MAP3K7: variants seen among roughly 807,000 people sequenced by gnomAD.
MAP3K7 encodes mitogen-activated protein kinase kinase kinase 7.
In MAP3K7, 21 loss-of-function variants were observed where a neutral mutation model predicts 84.8. The ratio of observed to expected loss-of-function variants is 0.25; its 90% CI spans 0.18 to 0.36. The LOEUF (loss-of-function observed/expected upper bound fraction) is 0.36. Among genes scored for constraint, MAP3K7 ranks in the 10% least tolerant of loss-of-function variants. MAP3K7 has a pLI of 1.00. For missense variants in MAP3K7, 503 were observed against 747.7 expected (o/e 0.67, Z 3.82); for synonymous variants, 241 against 247.7 (o/e 0.97, Z 0.25).
At chr6:90,566,945 A>C (rs1018547020) in intron 3 of MAP3K7, among the ~76,000 whole-genome samples, 1 of 152,218 alleles carries the variant, frequency 6.6e-6, no homozygotes, top group African/African-American at 2.4e-5. Flanking sequence ...CAAACCTGAC[A>C]AAAACAAGAA....
At chr6:90,543,089 CG>C (rs1775901918) in intron 12 of MAP3K7, among the ~76,000 whole-genome samples, 1 of 83,886 alleles carries the variant, frequency 1.2e-5, no homozygotes, top group Non-Finnish European at 2.7e-5. Context: ...CACAGTTCAG[CG>C]GTATGTAAGT....
intron 13 of MAP3K7, among the ~76,000 whole-genome samples, chr6:90,531,751 G>A (rs983476362): frequency 6.6e-6 from 1 of 152,014 alleles, no homozygotes; most frequent in Non-Finnish European, 1.5e-5. Context: ...CCAGAAGTTC[G>A]AGACCAGCCT....
intron 1 of MAP3K7, among the ~76,000 whole-genome samples, chr6:90,575,176 AG>A (rs1437053675): frequency 6.6e-6 from 1 of 152,240 alleles, no homozygotes; most frequent in East Asian, 1.9e-4. Context: ...GGGGATGAGA[AG>A]AAAAAATATA....
At chr6:90,576,146 C>T (rs1203631870) in intron 1 of MAP3K7, among the ~76,000 whole-genome samples, 1 of 152,088 alleles carries the variant, frequency 6.6e-6, no homozygotes, top group African/African-American at 2.4e-5. Flanking sequence ...ACGAATCTGA[C>T]ATTTGGATGA....
At chr6:90,532,779 G>C (rs529017677) in intron 13 of MAP3K7, among the ~76,000 whole-genome samples, 1 of 152,130 alleles carries the variant, frequency 6.6e-6, no homozygotes, top group East Asian at 1.9e-4. Flanking sequence ...TATCAAGATA[G>C]GTTAACCTTG....
chr6:90,536,683 C>T (rs1775691259), intron 12 of MAP3K7: 2 of 314,534 alleles, frequency 6.4e-6, no homozygotes, highest in African/African-American at 4.3e-5. Context: ...AGCTGCTGAA[C>T]TCTCTTCCAC....
At chr6:90,554,122 G>A (rs1582205875) in intron 6 of MAP3K7, among the ~76,000 whole-genome samples, 1 of 152,046 alleles carries the variant, frequency 6.6e-6, no homozygotes, top group Non-Finnish European at 1.5e-5. Context: ...GCCCAGGCTG[G>A]TCTCAAACTC....
chr6:90,554,382 T>A (rs940524756), intron 6 of MAP3K7, among the ~76,000 whole-genome samples: 1 of 152,226 alleles, frequency 6.6e-6, no homozygotes, highest in Admixed American at 6.5e-5. Context: ...ACGAAAATTA[T>A]GGATAACCTG....
intron 6 of MAP3K7, 40 bp downstream of exon 6, chr6:90,556,460 G>A (rs1776341800): frequency 1.3e-6 from 2 of 1,599,550 alleles, no homozygotes; most frequent in Admixed American, 3.5e-5. Context: ...CACAAGGAGT[G>A]AGGGAGATTA....
chr6:90,574,880 A>G (rs1156287358), intron 1 of MAP3K7, among the ~76,000 whole-genome samples: 1 of 152,182 alleles, frequency 6.6e-6, no homozygotes, highest in Non-Finnish European at 1.5e-5. Context: ...CTGAAATACA[A>G]AACAGGCACA....
At chr6:90,572,892 AT>A (rs1776953340) in intron 1 of MAP3K7, among the ~76,000 whole-genome samples, 1 of 152,190 alleles carries the variant, frequency 6.6e-6, no homozygotes, top group South Asian at 2.1e-4. Flanking sequence ...AGATTTTATC[AT>A]TGTGAAAGGA....
At position 90,514,060 on chromosome 6, in the gene MAP3K7, A is replaced by G. The variant is rs1774882818; in HGVS notation, c.*2441T>C. On this transcript the variant is annotated 3_prime_UTR_variant, in exon 17 of 17. Transcript: ENST00000369329. ...TTTCTTTTCCTGGAGTCAAGAGTAA[A>G]ATGTAATTAATGTAATTAGGGCTTA... The G allele has an allele frequency of 1.4e-4, 2 of 14,244 alleles. No homozygotes were observed. The highest frequency in any genetic ancestry group is 7.6e-4 in the African/African-American group (2 of 2,622). The allele number at this position is 14,244 out of a possible 1,614,324, so 0.9% of individuals were successfully genotyped here. A position where few individuals can be genotyped will look rare whatever the true frequency, so the allele number is the denominator to read the frequency against.
Position 90,529,871 on chromosome 6 carries a change from A to G in MAP3K7, c.1357-6088T>C, listed in dbSNP as rs1220283825. The stretch of plus-strand genomic sequence containing the variant: ...TCTGGGAAATTGCTGAATATATAAT[A>G]AACACATAATAGATACTCATTGAAT... On this transcript the variant is annotated intron_variant, in intron 13 of 16. Transcript: ENST00000369329. Among the ~76,000 whole-genome samples, 4 of 152,236 alleles carry G rather than the reference A, an allele frequency of 2.6e-5. No individual in the cohort carries two copies. In the East Asian group the frequency reaches 7.7e-4, roughly 29 times the overall value.
chr6:90,541,793 G>A (rs75863184), intron 12 of MAP3K7, among the ~76,000 whole-genome samples: 1 of 151,938 alleles, frequency 6.6e-6, no homozygotes, highest in East Asian at 1.9e-4. Flanking sequence ...TACAAGATTA[G>A]GGTCTTTGCA....
chr6:90,548,616 T>A (rs1468847699), intron 9 of MAP3K7, among the ~76,000 whole-genome samples: 1 of 152,024 alleles, frequency 6.6e-6, no homozygotes, highest in East Asian at 1.9e-4. Context: ...CAACAGATGG[T>A]ATATAAGGCC....
intron 1 of MAP3K7, among the ~76,000 whole-genome samples, chr6:90,573,768 G>T (rs1371192104): frequency 6.6e-6 from 1 of 152,220 alleles, no homozygotes; most frequent in African/African-American, 2.4e-5. Context: ...TTCAGCTTCT[G>T]TTCATCAGTG....
chr6:90,566,316 T>C lies in MAP3K7; in HGVS notation c.297+2242A>G, dbSNP rs138148995. ...ATCATTGTATATTTAGAAAACCCCA[T>C]TGTCTCAGCCCAAAATCTCCTTAAG... On this transcript the variant is annotated intron_variant, in intron 3 of 16. Transcript: ENST00000369329. 2.2e-3 allele frequency among the ~76,000 whole-genome samples: 339 copies of C among 152,312 alleles called. 1 individual carries two copies. The highest frequency in any genetic ancestry group is 7.6e-3 in the African/African-American group (314 of 41,572).
intron 16 of MAP3K7, among the ~76,000 whole-genome samples, chr6:90,517,137 TTAAAA>T (rs1449127965): frequency 6.6e-6 from 1 of 151,840 alleles, no homozygotes; most frequent in East Asian, 1.9e-4. Context: ...TGCAATCTAA[TTAAAA>T]TAAATGCTAT....
In MAP3K7 at chr6:90,547,966, T is replaced by C. The variant is rs553939479; in HGVS notation, c.1080+81A>G. The C allele has an allele frequency of 2.8e-4, 310 of 1,122,898 alleles. No homozygotes were observed. In the African/African-American group the frequency reaches 4.5e-3, roughly 16 times the overall value. The allele number at this position is 1,122,898 out of a possible 1,614,324, so 69.6% of individuals were successfully genotyped here. A position where few individuals can be genotyped will look rare whatever the true frequency, so the allele number is the denominator to read the frequency against. ...AATTCAGGATTTATAAAATAGAAGA[T>C]GGTAAATAATTAATTTCAGTTAGTA... On this transcript the variant is annotated intron_variant, in intron 10 of 16. Coordinates refer to ENST00000369329, the MANE Select transcript of MAP3K7 (RefSeq NM_145331.3).
Sources: allele counts gnomAD v4.1 joint callset (sites outside exome capture counted in the v4.1 genomes callset), GRCh38; gene constraint gnomAD v4.1.1; transcripts MANE v1.5; gene names NCBI Gene and HGNC (gene_info 2026-07-23, HGNC 2026-07-21).